DYNC1I1: variants seen among roughly 807,000 people sequenced by gnomAD.
The protein encoded by DYNC1I1 is dynein cytoplasmic 1 intermediate chain 1, also known as cytoplasmic dynein 1 intermediate chain 1.
A neutral mutation model predicts 86.6 loss-of-function variants in DYNC1I1; 43 were observed. That is an observed-to-expected ratio of 0.50 (90% CI 0.39 to 0.64). The LOEUF is 0.64. DYNC1I1 is among the 30% of genes least tolerant of loss of function. DYNC1I1 has a pLI of 0.00. For synonymous variants in DYNC1I1, 262 were observed against 283.7 expected, an observed-to-expected ratio of 0.92 and a Z score of 0.77; for missense variants, 604 against 788.8, an observed-to-expected ratio of 0.77 and a Z score of 2.81.
intron 6 of DYNC1I1, among the ~76,000 whole-genome samples, chr7:95,876,991 C>A (rs1790326780): frequency 6.6e-6 from 1 of 152,130 alleles, no homozygotes; most frequent in Non-Finnish European, 1.5e-5. Flanking sequence ...CTAATCACAA[C>A]TTGGTAAAAA....
intron 1 of DYNC1I1, among the ~76,000 whole-genome samples, chr7:95,787,834 T>G (rs1794189876): frequency 6.6e-6 from 1 of 152,216 alleles, no homozygotes; most frequent in African/African-American, 2.4e-5. Context: ...GGGAATAGTT[T>G]GCATTTTAAA....
chr7:96,071,860 A>C (rs1368788502), intron 14 of DYNC1I1, among the ~76,000 whole-genome samples: 4 of 152,230 alleles, frequency 2.6e-5, no homozygotes, highest in Non-Finnish European at 1.5e-5. Context: ...AGAGTAAAGA[A>C]TAGAGGTAAC....
At position 96,090,385 on chromosome 7, in the gene DYNC1I1, T is replaced by C. The variant is rs1211239000; in HGVS notation, c.1777-7098T>C. On this transcript the variant is annotated intron_variant, in intron 16 of 16. Coordinates refer to ENST00000447467, the MANE Select transcript of DYNC1I1 (RefSeq NM_001135556.2). ...AAGATAGTGTTTAAGGAGAAGGATA[T>C]ATATTTCCTTCTATATTCGCTGGCT... Among the ~76,000 whole-genome samples the C allele has an allele frequency of 5.9e-5, 9 of 152,182 alleles. 1 individual carries two copies. Among genetic ancestry groups the C allele is most frequent in the African/African-American group, 1.2e-4 (5 of 41,444 alleles).
At chr7:95,842,288 T>A (rs1789306211) in intron 5 of DYNC1I1, among the ~76,000 whole-genome samples, 1 of 152,122 alleles carries the variant, frequency 6.6e-6, no homozygotes, top group South Asian at 2.1e-4. Context: ...GGAAGGGGCT[T>A]GATTAATTTT....
At chr7:95,990,127 A>G (rs930962840) in intron 9 of DYNC1I1, among the ~76,000 whole-genome samples, 1 of 152,208 alleles carries the variant, frequency 6.6e-6, no homozygotes, top group Non-Finnish European at 1.5e-5. Flanking sequence ...ACTTTGAAAT[A>G]TTTACAAAAT....
chr7:95,819,239 A>G (rs1795019367), intron 4 of DYNC1I1, among the ~76,000 whole-genome samples: 1 of 152,182 alleles, frequency 6.6e-6, no homozygotes. Flanking sequence ...CTGGGCCTCC[A>G]TATAGTTACT....
intron 5 of DYNC1I1, among the ~76,000 whole-genome samples, chr7:95,845,926 G>T (rs931381928): frequency 6.6e-6 from 1 of 152,042 alleles, no homozygotes; most frequent in South Asian, 2.1e-4. Context: ...CAATTATAGG[G>T]CATTTTCCAT....
intron 13 of DYNC1I1, among the ~76,000 whole-genome samples, chr7:96,038,830 G>A (rs1788949862): frequency 6.6e-6 from 1 of 152,052 alleles, no homozygotes; most frequent in South Asian, 2.1e-4. Flanking sequence ...TTCCTTCAAG[G>A]ATGGATGGAG....
chr7:95,895,900 G>A (rs1790870924), intron 6 of DYNC1I1, among the ~76,000 whole-genome samples: 1 of 152,194 alleles, frequency 6.6e-6, no homozygotes, highest in African/African-American at 2.4e-5. Flanking sequence ...GAGTGAAAGC[G>A]GGGCCTGCTA....
intron 2 of DYNC1I1, among the ~76,000 whole-genome samples, chr7:95,809,916 T>G (rs1181788257): frequency 1.3e-5 from 2 of 152,120 alleles, no homozygotes; most frequent in Non-Finnish European, 2.9e-5. Flanking sequence ...ATACAAATAG[T>G]GTGTTTTATA....
chr7:95,926,462 C>T lies in DYNC1I1; in HGVS notation c.491-51050C>T, dbSNP rs376837518. On this transcript the variant is annotated intron_variant, in intron 6 of 16. Coordinates refer to ENST00000447467, the MANE Select transcript of DYNC1I1 (RefSeq NM_001135556.2). Reference sequence around the variant, plus strand: ...GATAAAATGATATCTATTTTATACACATGCATAGAAAAGACTGAAATGGTT... The same window carrying T: ...GATAAAATGATATCTATTTTATACATATGCATAGAAAAGACTGAAATGGTT... Among the ~76,000 whole-genome samples the T allele has an allele frequency of 5.3e-5, 8 of 152,160 alleles. No individual in the cohort carries two copies. In the East Asian group the frequency reaches 1.4e-3, roughly 26 times the overall value.
At chr7:95,914,121 G>T (rs1791408958) in intron 6 of DYNC1I1, among the ~76,000 whole-genome samples, 1 of 152,198 alleles carries the variant, frequency 6.6e-6, no homozygotes, top group Admixed American at 6.5e-5. Context: ...CCTGAATGGG[G>T]CACCAGACCT....
intron 15 of DYNC1I1, 43 bp from the exon 16 acceptor site, chr7:96,080,320 C>G (rs770945099): frequency 1.3e-6 from 2 of 1,528,786 alleles, no homozygotes; most frequent in Admixed American, 4.5e-5. Context: ...TATTTAAATT[C>G]ATATTCAGAG....
At chr7:96,036,415 G>A (rs1023732344) in intron 13 of DYNC1I1, among the ~76,000 whole-genome samples, 8 of 152,164 alleles carry the variant, frequency 5.3e-5, no homozygotes, top group African/African-American at 1.9e-4. Context: ...TAAATATATA[G>A]TTTAGGATGG....
At position 95,918,558 on chromosome 7, in the gene DYNC1I1, C is replaced by T. The variant is rs561486190; in HGVS notation, c.490+48560C>T. Among the ~76,000 whole-genome samples the T allele has an allele frequency of 3.3e-3, 498 of 152,208 alleles. 4 individuals carry two copies. Among genetic ancestry groups the T allele is most frequent in the African/African-American group, 0.012 (478 of 41,524 alleles). ...GTGTGTCTGTGTGTGCACACATGTG[C>T]ATGTGTGGGTGTGCATGTGTGTGCC... On this transcript the variant is annotated intron_variant, in intron 6 of 16. Coordinates refer to ENST00000447467, the MANE Select transcript of DYNC1I1 (RefSeq NM_001135556.2).
intron 5 of DYNC1I1, among the ~76,000 whole-genome samples, chr7:95,840,250 A>G (rs1375855656): frequency 2.0e-5 from 3 of 150,490 alleles, no homozygotes; most frequent in East Asian, 1.9e-4. Context: ...ATATATCTTC[A>G]CTGTTTTTTA....
chr7:96,107,375 T>A (rs1036968097), intron 16 of DYNC1I1, among the ~76,000 whole-genome samples: 1 of 152,016 alleles, frequency 6.6e-6, no homozygotes, highest in African/African-American at 2.4e-5. Flanking sequence ...AGAGACATAC[T>A]TATTAGGTTA....
intron 6 of DYNC1I1, among the ~76,000 whole-genome samples, chr7:95,895,327 C>T (rs1790853727): frequency 6.6e-6 from 1 of 152,136 alleles, no homozygotes; most frequent in Admixed American, 6.6e-5. Context: ...CACGAGGCAC[C>T]CATTTATCAG....
At chr7:96,092,631 AG>A (rs1254861669) in intron 16 of DYNC1I1, among the ~76,000 whole-genome samples, 1 of 152,116 alleles carries the variant, frequency 6.6e-6, no homozygotes, top group Non-Finnish European at 1.5e-5. Flanking sequence ...TAAGTTTTTC[AG>A]GGGTGAGGTG....
Sources: gnomAD v4.1 joint callset for allele counts (sites outside exome capture counted in the v4.1 genomes callset) on GRCh38, gnomAD v4.1.1 for gene constraint, MANE v1.5 for transcripts, NCBI Gene and HGNC (gene_info 2026-07-23, HGNC 2026-07-21) for gene names.